Variants in EFCAB11 observed in about 807,000 individuals in gnomAD.
EFCAB11 encodes EF-hand calcium-binding domain-containing protein 11.
Under a neutral mutation model 23.0 loss-of-function variants are expected in EFCAB11, and 14 were observed. The ratio of observed to expected loss-of-function variants is 0.61; its 90% confidence interval spans 0.40 to 0.95. EFCAB11 has a LOEUF of 0.95. Among genes scored for constraint, EFCAB11 ranks in the 40% least tolerant of loss-of-function variants. EFCAB11 has a pLI of 0.00. For synonymous variants in EFCAB11, 65 were observed against 66.6 expected (o/e 0.98, Z 0.11); for missense variants, 198 against 195.8 (o/e 1.01, Z -0.07).
In EFCAB11 at chr14:89,924,743, A is replaced by T. The variant is rs1296472392; in HGVS notation, c.410+6798T>A. ...GAAAATCACATGTAGACAGAGGAAA[A>T]TGGAAAGCAAAGCCACATGTGGCTA... On this transcript the variant is annotated intron_variant, in intron 5 of 5. Transcript: ENST00000316738. The T allele has an allele frequency of 2.0e-6, 3 of 1,518,930 alleles. No individual in the cohort carries two copies. The African/African-American group carries it at 4.1e-5, about 21-fold the overall frequency. The allele number at this position is 1,518,930 out of a possible 1,614,324, so 94.1% of individuals were successfully genotyped here. A position where few individuals can be genotyped will look rare whatever the true frequency, so the allele number is the denominator to read the frequency against.
At chr14:89,926,926 G>A (rs866104118) in intron 5 of EFCAB11, among the ~76,000 whole-genome samples, 2 of 152,252 alleles carry the variant, frequency 1.3e-5, no homozygotes, top group East Asian at 1.9e-4. Context: ...CAAAACAGGA[G>A]ATTATGATTG....
At chr14:89,912,467 C>T (rs1596449402) in intron 5 of EFCAB11, among the ~76,000 whole-genome samples, 1 of 152,108 alleles carries the variant, frequency 6.6e-6, no homozygotes, top group East Asian at 1.9e-4. Context: ...ATCTGAAGTT[C>T]CTTAAGGTTT....
intron 5 of EFCAB11, among the ~76,000 whole-genome samples, chr14:89,816,946 G>GA (rs1479952633): frequency 2.0e-5 from 3 of 151,576 alleles, no homozygotes; most frequent in Non-Finnish European, 4.4e-5. Flanking sequence ...TTATAACAAG[G>GA]AAAAAATATA....
intron 3 of EFCAB11, among the ~76,000 whole-genome samples, chr14:89,945,925 A>G (rs141098919): frequency 7.8e-6 from 1 of 127,958 alleles, no homozygotes; most frequent in Non-Finnish European, 1.7e-5. Flanking sequence ...TTTTTTTTTT[A>G]TTTTTTTTTT....
intron 5 of EFCAB11, among the ~76,000 whole-genome samples, chr14:89,801,347 G>A (rs1566763137): frequency 6.6e-6 from 1 of 152,210 alleles, no homozygotes; most frequent in African/African-American, 2.4e-5. Flanking sequence ...TGTCAGTGTT[G>A]AGTCAGGGGC....
chr14:89,924,197 T>C, intron 5 of EFCAB11: 1 of 985,778 alleles, frequency 1.0e-6, no homozygotes, highest in African/African-American at 1.7e-5. Flanking sequence ...TTTCTAATAT[T>C]CAAAAAAGGA....
intron 5 of EFCAB11, among the ~76,000 whole-genome samples, chr14:89,894,024 G>C (rs1159961999): frequency 6.6e-6 from 1 of 151,768 alleles, no homozygotes; most frequent in African/African-American, 2.4e-5. Context: ...CTGTCGCCCA[G>C]GCTGGAGTGC....
At chr14:89,921,085 A>AAGAAG (rs1890009859) in intron 5 of EFCAB11, among the ~76,000 whole-genome samples, 1 of 145,244 alleles carries the variant, frequency 6.9e-6, no homozygotes, top group African/African-American at 2.8e-5. Context: ...AAGAAAAGAA[A>AAGAAG]GAAAGAAAAG....
intron 5 of EFCAB11, among the ~76,000 whole-genome samples, chr14:89,871,370 G>A (rs939313906): frequency 1.3e-5 from 2 of 152,054 alleles, no homozygotes; most frequent in Non-Finnish European, 2.9e-5. Context: ...TCTGAAAGAG[G>A]GTAGAGCCTT....
Position 89,904,742 on chromosome 14 carries a change from T to C in EFCAB11, c.410+26799A>G, listed in dbSNP as rs1348650370. Among the ~76,000 whole-genome samples the C allele has an allele frequency of 2.6e-5, 4 of 152,240 alleles. No individual in the cohort carries two copies. The East Asian group carries it at 7.7e-4, about 29-fold the overall frequency. The stretch of plus-strand genomic sequence containing the variant: ...TGACGACCAGTGATGATGAGCATTT[T>C]TGCATATGTCCGTTGGCTGCATAAA... On this transcript the variant is annotated intron_variant, in intron 5 of 5. Transcript: ENST00000316738.
chr14:89,853,275 G>A (rs1376678281), intron 5 of EFCAB11, among the ~76,000 whole-genome samples: 2 of 152,184 alleles, frequency 1.3e-5, no homozygotes, highest in Admixed American at 1.3e-4. Context: ...CACGTCGTGG[G>A]CATTCACTGG....
intron 5 of EFCAB11, among the ~76,000 whole-genome samples, chr14:89,909,743 C>T (rs1889611153): frequency 6.6e-6 from 1 of 152,126 alleles, no homozygotes; most frequent in Non-Finnish European, 1.5e-5. Context: ...TCGTTCCACC[C>T]ACCCACTGAA....
At chr14:89,880,614 G>T (rs1347819802) in intron 5 of EFCAB11, among the ~76,000 whole-genome samples, 2 of 151,760 alleles carry the variant, frequency 1.3e-5, no homozygotes, top group African/African-American at 4.8e-5. Context: ...TAATGAAATC[G>T]AAATAAAATA....
rs1172507230 is a variant in EFCAB11 at position 89,932,488 on chromosome 14, T to C, written c.319+38A>G. On this transcript the variant is annotated intron_variant, in intron 4 of 5. Transcript: ENST00000316738. ...AATCCTATTTGCAATCCCTTAAAAG[T>C]AATTTTTTTTACATCAAAACACTTT... 2.0e-6 allele frequency: 3 copies of C among 1,511,956 alleles called. No homozygotes were observed. In the African/African-American group the frequency reaches 4.4e-5, roughly 22 times the overall value. 93.7% of individuals were successfully genotyped at this position (1,511,956 alleles called of 1,614,324 possible). A position where few individuals can be genotyped will look rare whatever the true frequency, so the allele number is the denominator to read the frequency against.
Position 89,936,666 on chromosome 14 carries a change from G to C in EFCAB11, c.218-4039C>G, listed in dbSNP as rs116821621. 3.2e-3 allele frequency among the ~76,000 whole-genome samples: 480 copies of C among 152,144 alleles called. 3 individuals carry two copies. The highest frequency in any genetic ancestry group is 0.011 in the African/African-American group (452 of 41,490). On this transcript the variant is annotated intron_variant, in intron 3 of 5. Transcript: ENST00000316738. ...TAACGCAACATTTATCCAAATACAA[G>C]ACCCTTTTCTAAAAAGCACAGAGGA...
At chr14:89,937,767 G>A (rs1032035503) in intron 3 of EFCAB11, among the ~76,000 whole-genome samples, 5 of 151,990 alleles carry the variant, frequency 3.3e-5, no homozygotes, top group African/African-American at 4.8e-5. Flanking sequence ...TTTGTGATCC[G>A]TCTGCCTCGG....
At chr14:89,849,211 CTG>C (rs1887522141) in intron 5 of EFCAB11, among the ~76,000 whole-genome samples, 3 of 152,200 alleles carry the variant, frequency 2.0e-5, no homozygotes, top group Admixed American at 2.0e-4. Flanking sequence ...ACCTCTAGGT[CTG>C]TGCCCAGGCA....
chr14:89,851,524 C>T (rs1329421915), intron 5 of EFCAB11, among the ~76,000 whole-genome samples: 1 of 152,190 alleles, frequency 6.6e-6, no homozygotes, highest in Admixed American at 6.5e-5. Flanking sequence ...TCAAGGAAAA[C>T]AGACACTATA....
At chr14:89,854,132 C>G (rs1887678168) in intron 5 of EFCAB11, among the ~76,000 whole-genome samples, 1 of 150,470 alleles carries the variant, frequency 6.6e-6, no homozygotes, top group Non-Finnish European at 1.5e-5. Context: ...TGGAAAAAGC[C>G]AAACTATGGT....
Sources: allele counts gnomAD v4.1 joint callset (sites outside exome capture counted in the v4.1 genomes callset), GRCh38; gene constraint gnomAD v4.1.1; transcripts MANE v1.5; gene names NCBI Gene and HGNC (gene_info 2026-07-23, HGNC 2026-07-21).